Variants in GRID2 observed in about 807,000 individuals in gnomAD.
GRID2 encodes glutamate receptor ionotropic, delta-2.
GRID2 carries 33 observed loss-of-function variants against 114.8 expected under a neutral mutation model. The observed-to-expected ratio is 0.29, with a 90% CI of 0.22 to 0.38. The LOEUF is 0.38. Ranked by LOEUF, GRID2 falls within the 10% of genes least tolerant of loss-of-function variation. The pLI, the probability that GRID2 is intolerant of heterozygous loss-of-function variation, is 1.00. For synonymous variants in GRID2, 505 were observed against 449.9 expected (o/e 1.12, Z -1.55); for missense variants, 1,184 against 1,257.7 (o/e 0.94, Z 0.89).
chr4:92,687,765 C>A (rs1375896548), intron 2 of GRID2, among the ~76,000 whole-genome samples: 1 of 151,870 alleles, frequency 6.6e-6, no homozygotes, highest in East Asian at 2.0e-4. Flanking sequence ...GGAGGCGGAG[C>A]TTGCAGTGAG....
chr4:93,321,321 A>T (rs961452778), intron 8 of GRID2, among the ~76,000 whole-genome samples: 1 of 151,768 alleles, frequency 6.6e-6, no homozygotes, highest in Non-Finnish European at 1.5e-5. Context: ...CCCTAATTAT[A>T]AAAAAAAGCC....
At chr4:92,632,392 T>C (rs1392557415) in intron 2 of GRID2, among the ~76,000 whole-genome samples, 1 of 152,058 alleles carries the variant, frequency 6.6e-6, no homozygotes, top group African/African-American at 2.4e-5. Context: ...CCCAAGAATT[T>C]GGAGGCTGAT....
Position 93,422,921 on chromosome 4 carries a change from CAAG to C in GRID2, c.1503_1505del (p.Glu501del). ...ACCGGATCACAAATACGGAAGCCCA[CAAG>C]AAGATGGGACATGGAATGGCTTGGT... On this transcript the variant is annotated inframe_deletion, in exon 10 of 16. Transcript: ENST00000282020. 6.2e-7 allele frequency: 1 copy of C among 1,613,656 alleles called. No individual in the cohort carries two copies. The highest frequency in any genetic ancestry group is 8.5e-7 in the Non-Finnish European group (1 of 1,179,674).
intron 11 of GRID2, among the ~76,000 whole-genome samples, chr4:93,458,899 A>G (rs1723451534): frequency 6.6e-6 from 1 of 152,046 alleles, no homozygotes; most frequent in Non-Finnish European, 1.5e-5. Flanking sequence ...GTAGAAATTG[A>G]TAGAGTAGGC....
At chr4:93,258,041 CTAA>C (rs1749818432) in intron 8 of GRID2, among the ~76,000 whole-genome samples, 1 of 147,184 alleles carries the variant, frequency 6.8e-6, no homozygotes, top group East Asian at 2.0e-4. Flanking sequence ...ACTGGTAATA[CTAA>C]TATACACAAT....
At chr4:92,797,383 C>T (rs1262148585) in intron 2 of GRID2, among the ~76,000 whole-genome samples, 1 of 151,804 alleles carries the variant, frequency 6.6e-6, no homozygotes, top group African/African-American at 2.4e-5. Flanking sequence ...ATGGGAGTTG[C>T]CTATGAAATT....
chr4:93,365,996 C>G (rs1044543045), intron 8 of GRID2, among the ~76,000 whole-genome samples: 1 of 152,094 alleles, frequency 6.6e-6, no homozygotes, highest in Non-Finnish European at 1.5e-5. Flanking sequence ...CTATGCCTGT[C>G]TTTACTTTAA....
At chr4:93,416,627 T>C (rs1580008588) in intron 9 of GRID2, among the ~76,000 whole-genome samples, 1 of 152,054 alleles carries the variant, frequency 6.6e-6, no homozygotes. Flanking sequence ...TCAGATGCTT[T>C]TTTCCAACGC....
At chr4:92,935,876 G>A (rs1326770591) in intron 2 of GRID2, among the ~76,000 whole-genome samples, 2 of 141,732 alleles carry the variant, frequency 1.4e-5, no homozygotes, top group Non-Finnish European at 3.1e-5. Flanking sequence ...CACACTCTGG[G>A]GACTGTTGTG....
chr4:93,206,256 G>A (rs545390574), intron 4 of GRID2, among the ~76,000 whole-genome samples: 6 of 151,734 alleles, frequency 4.0e-5, no homozygotes, highest in South Asian at 4.2e-4. Context: ...AACTAATTAC[G>A]TACTTTGAAA....
chr4:93,243,459 T>C (rs200815808), intron 8 of GRID2, among the ~76,000 whole-genome samples: 1 of 151,944 alleles, frequency 6.6e-6, no homozygotes, highest in Admixed American at 6.6e-5. Flanking sequence ...GAGTGAATGG[T>C]TTTTCAGTTG....
chr4:92,601,717 T>C (rs1729223223), intron 2 of GRID2, among the ~76,000 whole-genome samples: 1 of 151,862 alleles, frequency 6.6e-6, no homozygotes, highest in African/African-American at 2.4e-5. Flanking sequence ...TGAAAAACAC[T>C]TCAAAAATAA....
chr4:93,021,604 A>G (rs950258729), intron 2 of GRID2, among the ~76,000 whole-genome samples: 2 of 145,256 alleles, frequency 1.4e-5, no homozygotes, highest in Non-Finnish European at 3.0e-5. Context: ...TTAATCTTAT[A>G]TATTATTTAT....
intron 1 of GRID2, among the ~76,000 whole-genome samples, chr4:92,545,288 G>A (rs1726185943): frequency 6.6e-6 from 1 of 152,138 alleles, no homozygotes. Flanking sequence ...GCACAATAGA[G>A]AAAAACATGG....
At chr4:93,249,902 G>T (rs946860633) in intron 8 of GRID2, among the ~76,000 whole-genome samples, 3 of 152,150 alleles carry the variant, frequency 2.0e-5, no homozygotes, top group African/African-American at 4.8e-5. Flanking sequence ...TGGTGGGAGT[G>T]TAAATTAGTT....
At chr4:93,334,615 C>A (rs190564884) in intron 8 of GRID2, among the ~76,000 whole-genome samples, 151 of 152,250 alleles carry the variant, frequency 9.9e-4, no homozygotes, top group African/African-American at 3.2e-3. Context: ...GAAGAACAAA[C>A]AAAAGTGCTT....
At chr4:93,131,828 A>C (rs1023047514) in intron 4 of GRID2, among the ~76,000 whole-genome samples, 10 of 152,116 alleles carry the variant, frequency 6.6e-5, no homozygotes, top group African/African-American at 1.9e-4. Context: ...TCATCTCTGC[A>C]CAAATGGATC....
intron 8 of GRID2, among the ~76,000 whole-genome samples, chr4:93,261,421 C>G (rs995766709): frequency 6.6e-6 from 1 of 151,772 alleles, no homozygotes; most frequent in Non-Finnish European, 1.5e-5. Context: ...CAGGTTCTTA[C>G]AAGTGCCACA....
chr4:92,640,972 G>A (rs1731313278), intron 2 of GRID2, among the ~76,000 whole-genome samples: 1 of 151,656 alleles, frequency 6.6e-6, no homozygotes, highest in Non-Finnish European at 1.5e-5. Flanking sequence ...AGGTGTGTGT[G>A]CATCTAGTAA....
Sources: allele counts gnomAD v4.1 joint callset (sites outside exome capture counted in the v4.1 genomes callset), GRCh38; gene constraint gnomAD v4.1.1; transcripts MANE v1.5; gene names NCBI Gene and HGNC (gene_info 2026-07-23, HGNC 2026-07-21).